Variants in SLC25A21 observed in about 807,000 individuals in gnomAD.
SLC25A21 encodes mitochondrial 2-oxodicarboxylate carrier.
A neutral mutation model predicts 43.8 loss-of-function variants in SLC25A21; 47 were observed. The ratio of observed to expected loss-of-function variants is 1.07; its 90% CI spans 0.85 to 1.37. The LOEUF (loss-of-function observed/expected upper bound fraction) is 1.37. Among genes scored for constraint, SLC25A21 ranks in the 40% most tolerant of loss-of-function variants. The pLI is 0.00. For synonymous variants in SLC25A21, 131 were observed against 121.3 expected (o/e 1.08, Z -0.52); for missense variants, 352 against 350.2 (o/e 1.00, Z -0.04).
intron 6 of SLC25A21, among the ~76,000 whole-genome samples, chr14:36,713,469 T>C (rs1187702026): frequency 2.0e-5 from 3 of 152,118 alleles, no homozygotes. Context: ...GCAAATGTAA[T>C]GCATCATTTT....
chr14:37,109,547 T>C (rs1406953466), intron 1 of SLC25A21, among the ~76,000 whole-genome samples: 1 of 152,204 alleles, frequency 6.6e-6, no homozygotes, highest in African/African-American at 2.4e-5. Context: ...AAATACAAAT[T>C]TGGCTTTCTA....
At chr14:36,989,886 CA>C (rs34721973) in intron 1 of SLC25A21, among the ~76,000 whole-genome samples, 13,269 of 148,112 alleles carry the variant, frequency 0.09, 659 homozygotes, top group African/African-American at 0.13. Flanking sequence ...CTTTCCTTTT[CA>C]AAAAAAAAGG....
chr14:36,856,118 C>A (rs1313511298), intron 2 of SLC25A21, among the ~76,000 whole-genome samples: 1 of 152,084 alleles, frequency 6.6e-6, no homozygotes. Flanking sequence ...CTCCATTACA[C>A]TGGGGGAAGG....
chr14:37,144,074 G>A (rs991665401), intron 1 of SLC25A21, among the ~76,000 whole-genome samples: 1 of 152,040 alleles, frequency 6.6e-6, no homozygotes, highest in Non-Finnish European at 1.5e-5. Flanking sequence ...GGGGTCGAGG[G>A]CTTAGAAAAA....
chr14:37,028,233 T>C (rs1961135408), intron 1 of SLC25A21, among the ~76,000 whole-genome samples: 1 of 152,060 alleles, frequency 6.6e-6, no homozygotes, highest in South Asian at 2.1e-4. Context: ...AACATTGGTA[T>C]ACCAATAGTG....
At chr14:36,867,985 TACACAC>T (rs1890260917) in intron 2 of SLC25A21, among the ~76,000 whole-genome samples, 1 of 151,796 alleles carries the variant, frequency 6.6e-6, no homozygotes, top group Non-Finnish European at 1.5e-5. Context: ...CAAAGCTATT[TACACAC>T]ACACAAACAC....
chr14:37,018,376 G>T lies in SLC25A21; in HGVS notation c.71-143372C>A, dbSNP rs116574882. ...AATAAACCAGTGACATGAGGTGACAGATCTGTTAATTATCTTGATTATGAG... is the reference window on the plus strand; with the variant it reads ...AATAAACCAGTGACATGAGGTGACATATCTGTTAATTATCTTGATTATGAG... On this transcript the variant is annotated intron_variant, in intron 1 of 9. Transcript: ENST00000331299. Among the ~76,000 whole-genome samples the T allele has an allele frequency of 9.4e-3, 1,428 of 152,114 alleles. 31 individuals carry two copies. Among genetic ancestry groups the T allele is most frequent in the African/African-American group, 0.031 (1,298 of 41,522 alleles).
At chr14:36,734,996 T>C (rs950012547) in intron 3 of SLC25A21, among the ~76,000 whole-genome samples, 3 of 152,072 alleles carry the variant, frequency 2.0e-5, no homozygotes, top group Non-Finnish European at 4.4e-5. Context: ...GCTAAGGAGG[T>C]GATGAAATTT....
At chr14:36,698,866 C>T (rs956856633) in intron 7 of SLC25A21, among the ~76,000 whole-genome samples, 2 of 152,148 alleles carry the variant, frequency 1.3e-5, no homozygotes, top group Non-Finnish European at 2.9e-5. Flanking sequence ...CGAATATCCT[C>T]GTTTAGCTCA....
At chr14:36,986,193 C>A (rs1409922156) in intron 1 of SLC25A21, among the ~76,000 whole-genome samples, 1 of 152,120 alleles carries the variant, frequency 6.6e-6, no homozygotes, top group South Asian at 2.1e-4. Flanking sequence ...TATCTATAGA[C>A]ATATTTTTAC....
intron 3 of SLC25A21, among the ~76,000 whole-genome samples, chr14:36,754,435 C>T (rs1885844862): frequency 6.6e-6 from 1 of 151,980 alleles, no homozygotes; most frequent in Non-Finnish European, 1.5e-5. Context: ...TAAATATCTT[C>T]CAAGTACATT....
At chr14:37,169,564 A>G (rs1964086450) in intron 1 of SLC25A21, among the ~76,000 whole-genome samples, 1 of 129,424 alleles carries the variant, frequency 7.7e-6, no homozygotes. Flanking sequence ...TTTGGCCTTT[A>G]CAAACAAAAG....
chr14:37,127,972 A>T (rs186238031), intron 1 of SLC25A21, among the ~76,000 whole-genome samples: 3 of 152,240 alleles, frequency 2.0e-5, no homozygotes, highest in Non-Finnish European at 4.4e-5. Flanking sequence ...TGATTCTCAG[A>T]TAAGAAACCT....
At chr14:36,931,834 T>C (rs1892303263) in intron 1 of SLC25A21, among the ~76,000 whole-genome samples, 2 of 152,150 alleles carry the variant, frequency 1.3e-5, no homozygotes, top group Non-Finnish European at 2.9e-5. Flanking sequence ...TTGCTCTGAG[T>C]ACTTATGTGA....
intron 2 of SLC25A21, among the ~76,000 whole-genome samples, chr14:36,874,229 T>C (rs1890453907): frequency 6.6e-6 from 1 of 152,226 alleles, no homozygotes; most frequent in South Asian, 2.1e-4. Flanking sequence ...CATTGTTGGC[T>C]GTTAGGCTCC....
chr14:37,137,457 T>A (rs1192254621), intron 1 of SLC25A21, among the ~76,000 whole-genome samples: 2 of 152,244 alleles, frequency 1.3e-5, no homozygotes, highest in Non-Finnish European at 2.9e-5. Context: ...GTTAGAAGCA[T>A]ATATGCCAGC....
chr14:36,904,524 C>T (rs935382587), intron 1 of SLC25A21, among the ~76,000 whole-genome samples: 10 of 152,132 alleles, frequency 6.6e-5, no homozygotes, highest in African/African-American at 4.8e-5. Flanking sequence ...AATGTTCTCT[C>T]GTTGTATTAG....
intron 1 of SLC25A21, among the ~76,000 whole-genome samples, chr14:37,061,649 C>T (rs1884775): frequency 0.21 from 32,182 of 151,772 alleles, 7,881 homozygotes; most frequent in African/African-American, 0.6. Context: ...GGAAAAGAAA[C>T]AAAAAAGGCA....
chr14:36,950,314 C>A (rs916641173), intron 1 of SLC25A21, among the ~76,000 whole-genome samples: 1 of 152,250 alleles, frequency 6.6e-6, no homozygotes, highest in African/African-American at 2.4e-5. Context: ...AATGTGACTA[C>A]ATTTGGAGAT....
Sources: gnomAD v4.1 joint callset for allele counts (sites outside exome capture counted in the v4.1 genomes callset) on GRCh38, gnomAD v4.1.1 for gene constraint, MANE v1.5 for transcripts, NCBI Gene and HGNC (gene_info 2026-07-23, HGNC 2026-07-21) for gene names.